The following DLGAP2 variants were observed in gnomAD, a reference collection of about 807,000 sequenced individuals.
DLGAP2 encodes DLG associated protein 2.
In DLGAP2, 26 loss-of-function variants were observed where a neutral mutation model predicts 100.3. The observed-to-expected ratio is 0.26, with a 90% CI of 0.19 to 0.36. The LOEUF is 0.36. Among genes scored for constraint, DLGAP2 ranks in the 10% least tolerant of loss-of-function variants. DLGAP2 has a pLI of 1.00. For synonymous variants in DLGAP2, 886 were observed against 630.1 expected, an observed-to-expected ratio of 1.41 and a Z score of -6.08; for missense variants, 1,858 against 1,453.2, an observed-to-expected ratio of 1.28 and a Z score of -4.53.
chr8:1,044,310 C>G (rs972454904), intron 2 of DLGAP2, among the ~76,000 whole-genome samples: 3 of 152,206 alleles, frequency 2.0e-5, no homozygotes, highest in African/African-American at 4.8e-5. Context: ...CAAACTCTCC[C>G]TGGGCAAAAC....
At chr8:1,278,808 A>C (rs1799758828) in intron 3 of DLGAP2, among the ~76,000 whole-genome samples, 1 of 152,216 alleles carries the variant, frequency 6.6e-6, no homozygotes, top group Admixed American at 6.5e-5. Flanking sequence ...TCAGTGTTCC[A>C]TTTGGTTAAA....
At chr8:1,101,540 C>T (rs1197224612) in intron 2 of DLGAP2, among the ~76,000 whole-genome samples, 1 of 152,056 alleles carries the variant, frequency 6.6e-6, no homozygotes, top group East Asian at 1.9e-4. Context: ...GTGGAGGGGG[C>T]ATTTCATGGC....
chr8:1,622,780 C>G (rs1347047086), intron 6 of DLGAP2, among the ~76,000 whole-genome samples: 1 of 152,186 alleles, frequency 6.6e-6, no homozygotes, highest in Non-Finnish European at 1.5e-5. Flanking sequence ...ATTTCTGACA[C>G]CTGGGATGCC....
intron 3 of DLGAP2, among the ~76,000 whole-genome samples, chr8:1,331,660 C>T (rs758519700): frequency 1.2e-4 from 18 of 152,250 alleles, no homozygotes; most frequent in Admixed American, 6.5e-4. Context: ...CTTGGGTATA[C>T]GACAAACGTG....
intron 3 of DLGAP2, among the ~76,000 whole-genome samples, chr8:1,458,124 T>C (rs1052043036): frequency 6.6e-6 from 1 of 151,024 alleles, no homozygotes; most frequent in Admixed American, 6.6e-5. Flanking sequence ...GCCAGGATGG[T>C]CTTGATCTCC....
intron 3 of DLGAP2, among the ~76,000 whole-genome samples, chr8:1,472,256 A>G (rs903859511): frequency 1.3e-5 from 2 of 152,192 alleles, no homozygotes; most frequent in Non-Finnish European, 2.9e-5. Flanking sequence ...GCCATGCGGT[A>G]GAGCGGCTGT....
intron 3 of DLGAP2, among the ~76,000 whole-genome samples, chr8:1,281,718 G>A (rs1334208748): frequency 6.6e-6 from 1 of 152,192 alleles, no homozygotes; most frequent in Non-Finnish European, 1.5e-5. Context: ...ACCAGGGAGA[G>A]GCAGATGTCC....
intron 1 of DLGAP2, among the ~76,000 whole-genome samples, chr8:880,572 A>G (rs2128993197): frequency 6.8e-6 from 1 of 146,616 alleles, no homozygotes; most frequent in Admixed American, 6.8e-5. Context: ...CGTGCTGGGG[A>G]GACTTTATAG....
chr8:1,462,910 A>G (rs184918278), intron 3 of DLGAP2, among the ~76,000 whole-genome samples: 2 of 152,322 alleles, frequency 1.3e-5, no homozygotes, highest in East Asian at 1.9e-4. Flanking sequence ...TGGCTCAAAC[A>G]CATGTTGCCC....
intron 8 of DLGAP2, among the ~76,000 whole-genome samples, chr8:1,653,546 G>T (rs1317126323): frequency 6.6e-6 from 1 of 152,228 alleles, no homozygotes; most frequent in African/African-American, 2.4e-5. Context: ...TCAGTGCAAG[G>T]AGCCCTGATT....
chr8:1,632,001 C>T (rs11986441), intron 7 of DLGAP2, among the ~76,000 whole-genome samples: 40,433 of 151,690 alleles, frequency 0.27, 6,769 homozygotes, highest in African/African-American at 0.48. Flanking sequence ...GTTCAGAAAG[C>T]TGTTGGTGCT....
intron 2 of DLGAP2, among the ~76,000 whole-genome samples, chr8:1,022,286 C>G (rs982490460): frequency 5.0e-5 from 7 of 139,124 alleles, no homozygotes; most frequent in African/African-American, 1.9e-4. Context: ...ACTCCCGTGC[C>G]GAGGTAGATG....
intron 4 of DLGAP2, among the ~76,000 whole-genome samples, chr8:1,503,662 C>A (rs187060963): frequency 6.6e-6 from 1 of 152,120 alleles, no homozygotes; most frequent in Non-Finnish European, 1.5e-5. Flanking sequence ...CATGGTGAAG[C>A]GATGCTTCCT....
intron 5 of DLGAP2, among the ~76,000 whole-genome samples, chr8:1,555,127 T>A: frequency 1.3e-5 from 2 of 152,062 alleles, no homozygotes; most frequent in South Asian, 2.1e-4. Context: ...CACACCTCAC[T>A]TCCAATCCCG....
intron 2 of DLGAP2, among the ~76,000 whole-genome samples, chr8:1,078,488 T>A (rs1585039650): frequency 1.3e-5 from 2 of 152,316 alleles, no homozygotes; most frequent in East Asian, 3.9e-4. Context: ...ACATGTGGAA[T>A]GGCGTATGCC....
chr8:1,455,094 G>A (rs975357292), intron 3 of DLGAP2, among the ~76,000 whole-genome samples: 1 of 152,216 alleles, frequency 6.6e-6, no homozygotes, highest in Non-Finnish European at 1.5e-5. Flanking sequence ...CTTGGCTGCC[G>A]TGAGGGGTGG....
At chr8:1,199,961 G>T (rs1369464934) in intron 2 of DLGAP2, among the ~76,000 whole-genome samples, 4 of 151,914 alleles carry the variant, frequency 2.6e-5, no homozygotes, top group Admixed American at 6.6e-5. Flanking sequence ...CCCCGCAGAG[G>T]CCGGGTCTCA....
At chr8:1,342,402 A>G (rs969285228) in intron 3 of DLGAP2, among the ~76,000 whole-genome samples, 1 of 152,164 alleles carries the variant, frequency 6.6e-6, no homozygotes, top group African/African-American at 2.4e-5. Flanking sequence ...TTTAAGTTAC[A>G]TGTAATACAT....
chr8:862,740 A>G (rs1418114617), intron 1 of DLGAP2, among the ~76,000 whole-genome samples: 1 of 152,204 alleles, frequency 6.6e-6, no homozygotes, highest in Non-Finnish European at 1.5e-5. Flanking sequence ...TTTTGAGTCC[A>G]GTTGGACGTG....
Sources: allele counts gnomAD v4.1 joint callset (sites outside exome capture counted in the v4.1 genomes callset), GRCh38; gene constraint gnomAD v4.1.1; transcripts MANE v1.5; gene names NCBI Gene and HGNC (gene_info 2026-07-23, HGNC 2026-07-21).